AKAP19: variants seen among roughly 807,000 people sequenced by gnomAD.
The protein encoded by AKAP19 is A-kinase anchoring protein 19.
At chr2:190,144,326 G>A in the AKAP19 span, among the ~76,000 whole-genome samples, 1 of 151,220 alleles carries the variant, frequency 6.6e-6, no homozygotes, top group South Asian at 2.1e-4. Flanking sequence ...CAAATTGGCT[G>A]TAAACAATTG....
the AKAP19 span, among the ~76,000 whole-genome samples, chr2:190,117,196 A>G: frequency 6.6e-6 from 1 of 152,328 alleles, no homozygotes; most frequent in African/African-American, 2.4e-5. Context: ...GTGGAGCTGA[A>G]ATATAGTGGC....
the AKAP19 span, among the ~76,000 whole-genome samples, chr2:189,904,393 A>G: frequency 6.6e-6 from 1 of 152,054 alleles, no homozygotes; most frequent in African/African-American, 2.4e-5. Flanking sequence ...TGCCAGCATT[A>G]TACACAGGTT....
chr2:190,046,604 C>T, the AKAP19 span, among the ~76,000 whole-genome samples: 4 of 152,192 alleles, frequency 2.6e-5, no homozygotes, highest in Admixed American at 2.6e-4. Flanking sequence ...GTCTGATGCT[C>T]AGTGCGTCAG....
chr2:190,167,045 C>A, the AKAP19 span, among the ~76,000 whole-genome samples: 856 of 152,184 alleles, frequency 5.6e-3, 10 homozygotes, highest in African/African-American at 0.019. Flanking sequence ...AGGATACCAT[C>A]CAAAATGTAA....
At chr2:189,957,198 T>C in the AKAP19 span, among the ~76,000 whole-genome samples, 1 of 152,070 alleles carries the variant, frequency 6.6e-6, no homozygotes, top group Non-Finnish European at 1.5e-5. Context: ...AAAATAAAAG[T>C]AATCCATGCT....
chr2:190,071,861 AG>A, the AKAP19 span, among the ~76,000 whole-genome samples: 6 of 152,080 alleles, frequency 3.9e-5, no homozygotes, highest in South Asian at 2.1e-4. Flanking sequence ...CTAACAAAAA[AG>A]AACTGGAGTC....
the AKAP19 span, among the ~76,000 whole-genome samples, chr2:189,980,482 G>A: frequency 6.6e-6 from 1 of 152,086 alleles, no homozygotes; most frequent in African/African-American, 2.4e-5. Flanking sequence ...CTACAAGCAT[G>A]CACCACCATG....
At chr2:189,907,648 G>A in the AKAP19 span, among the ~76,000 whole-genome samples, 2 of 151,844 alleles carry the variant, frequency 1.3e-5, no homozygotes, top group Non-Finnish European at 2.9e-5. Context: ...AACAGAGCAG[G>A]GCATGTAGTA....
the AKAP19 span, chr2:190,164,014 A>G: frequency 6.6e-6 from 1 of 152,244 alleles, no homozygotes; most frequent in Non-Finnish European, 1.5e-5. Context: ...TATTGGGCTC[A>G]CAGCTACTGA....
At chr2:190,066,421 T>C in the AKAP19 span, among the ~76,000 whole-genome samples, 1 of 152,110 alleles carries the variant, frequency 6.6e-6, no homozygotes, top group African/African-American at 2.4e-5. Context: ...GACGATGAGA[T>C]TAGGAATTAG....
the AKAP19 span, among the ~76,000 whole-genome samples, chr2:189,921,721 A>G: frequency 6.6e-6 from 1 of 152,204 alleles, no homozygotes; most frequent in African/African-American, 2.4e-5. Context: ...TAGACCTAGA[A>G]TTAGTTTGAG....
At chr2:190,015,111 C>T in the AKAP19 span, among the ~76,000 whole-genome samples, 1 of 152,138 alleles carries the variant, frequency 6.6e-6, no homozygotes. Context: ...TGGTGGCCCT[C>T]TTCTTACAGC....
At chr2:190,084,335 C>T in the AKAP19 span, among the ~76,000 whole-genome samples, 2 of 152,110 alleles carry the variant, frequency 1.3e-5, no homozygotes, top group Admixed American at 6.6e-5. Context: ...TCAAGTGATC[C>T]ACCCACCTCA....
the AKAP19 span, among the ~76,000 whole-genome samples, chr2:190,038,901 T>TTC: frequency 0.082 from 3,732 of 45,696 alleles, 448 homozygotes; most frequent in Admixed American, 0.11. Flanking sequence ...TCTTTCTTTC[T>TTC]TTCTTCTTCT....
the AKAP19 span, among the ~76,000 whole-genome samples, chr2:190,079,016 T>G: frequency 6.6e-6 from 1 of 152,254 alleles, no homozygotes; most frequent in African/African-American, 2.4e-5. Flanking sequence ...ACATTTCATT[T>G]ATTATATGTA....
chr2:189,914,793 T>G, the AKAP19 span, among the ~76,000 whole-genome samples: 1 of 152,130 alleles, frequency 6.6e-6, no homozygotes, highest in Non-Finnish European at 1.5e-5. Context: ...ATTATAATAT[T>G]CCTGCCCCAT....
chr2:190,118,456 C>T, the AKAP19 span, among the ~76,000 whole-genome samples: 2,095 of 152,218 alleles, frequency 0.014, 22 homozygotes, highest in Admixed American at 0.021. Flanking sequence ...AACATCGATG[C>T]GAAAATCCTC....
the AKAP19 span, among the ~76,000 whole-genome samples, chr2:190,199,337 T>C: frequency 6.6e-6 from 1 of 152,222 alleles, no homozygotes; most frequent in Non-Finnish European, 1.5e-5. Context: ...CACGTGAGCA[T>C]GGCTGTACAA....
the AKAP19 span, among the ~76,000 whole-genome samples, chr2:189,908,082 C>A: frequency 6.6e-6 from 1 of 151,956 alleles, no homozygotes; most frequent in African/African-American, 2.4e-5. Context: ...TCATTTCCTT[C>A]CTTCTGCTAA....
Sources: gnomAD v4.1 joint callset for allele counts (sites outside exome capture counted in the v4.1 genomes callset) on GRCh38, gnomAD v4.1.1 for gene constraint, MANE v1.5 for transcripts, NCBI Gene and HGNC (gene_info 2026-07-23, HGNC 2026-07-21) for gene names.